SLC10A7: variants seen among roughly 807,000 people sequenced by gnomAD.
The protein encoded by SLC10A7 is solute carrier family 10 member 7, also known as sodium/bile acid cotransporter 7.
A neutral mutation model predicts 43.2 loss-of-function variants in SLC10A7; 29 were observed. That is an observed-to-expected ratio of 0.67 (90% CI 0.50 to 0.92). The LOEUF (loss-of-function observed/expected upper bound fraction) is 0.92. SLC10A7 is among the 40% of genes least tolerant of loss of function. The pLI is 0.00. For synonymous variants in SLC10A7, 152 were observed against 144.8 expected, an observed-to-expected ratio of 1.05 and a Z score of -0.35; for missense variants, 295 against 403.2, an observed-to-expected ratio of 0.73 and a Z score of 2.30.
At chr4:146,329,610 G>A (rs756138584) in intron 5 of SLC10A7, among the ~76,000 whole-genome samples, 32 of 152,152 alleles carry the variant, frequency 2.1e-4, no homozygotes, top group Non-Finnish European at 4.0e-4. Flanking sequence ...TCTTTGCATT[G>A]TTAAGTTATT....
chr4:146,446,302 C>G (rs1731068288), intron 4 of SLC10A7, among the ~76,000 whole-genome samples: 1 of 152,072 alleles, frequency 6.6e-6, no homozygotes, highest in Non-Finnish European at 1.5e-5. Context: ...ACTGGCTGGG[C>G]ATGGTGACTC....
chr4:146,272,482 CTG>C (rs2111058508), intron 10 of SLC10A7, among the ~76,000 whole-genome samples: 1 of 152,246 alleles, frequency 6.6e-6, no homozygotes, highest in East Asian at 1.9e-4. Flanking sequence ...CAAGGGGAAA[CTG>C]TTACCCTTGC....
chr4:146,283,696 A>G (rs1026573745), intron 9 of SLC10A7, among the ~76,000 whole-genome samples: 6 of 152,190 alleles, frequency 3.9e-5, no homozygotes, highest in African/African-American at 1.4e-4. Flanking sequence ...AGGGTATGAA[A>G]AAAGATTTAA....
intron 5 of SLC10A7, among the ~76,000 whole-genome samples, chr4:146,387,836 C>G (rs1579059241): frequency 6.6e-6 from 1 of 151,836 alleles, no homozygotes; most frequent in East Asian, 1.9e-4. Context: ...ATAATACATA[C>G]CAAAAAAATA....
intron 2 of SLC10A7, among the ~76,000 whole-genome samples, chr4:146,516,339 A>C (rs1233385343): frequency 6.6e-6 from 1 of 151,696 alleles, no homozygotes; most frequent in African/African-American, 2.4e-5. Context: ...TTCCAAGAGA[A>C]TCTCATGTTC....
At chr4:146,341,888 C>T (rs989369647) in intron 5 of SLC10A7, among the ~76,000 whole-genome samples, 5 of 151,600 alleles carry the variant, frequency 3.3e-5, no homozygotes, top group African/African-American at 4.8e-5. Flanking sequence ...TAACCCTTGT[C>T]GGCCTTAAAC....
intron 4 of SLC10A7, among the ~76,000 whole-genome samples, chr4:146,466,399 C>T (rs1292419086): frequency 6.6e-6 from 1 of 151,978 alleles, no homozygotes; most frequent in South Asian, 2.1e-4. Context: ...AGTGGCCCCA[C>T]TTGGCTCCCA....
intron 5 of SLC10A7, among the ~76,000 whole-genome samples, chr4:146,362,335 G>C (rs1337635791): frequency 6.6e-6 from 1 of 152,002 alleles, no homozygotes; most frequent in Non-Finnish European, 1.5e-5. Context: ...AAAAAGAAAG[G>C]ATGCTAAAAA....
intron 4 of SLC10A7, among the ~76,000 whole-genome samples, chr4:146,443,629 T>C (rs1032849668): frequency 6.6e-6 from 1 of 152,164 alleles, no homozygotes; most frequent in Non-Finnish European, 1.5e-5. Context: ...TATTTACATC[T>C]CCTGCATACC....
intron 4 of SLC10A7, among the ~76,000 whole-genome samples, chr4:146,450,736 A>C (rs2149910827): frequency 6.6e-6 from 1 of 152,308 alleles, no homozygotes; most frequent in East Asian, 1.9e-4. Context: ...TACACTACCT[A>C]CATGACTCAT....
chr4:146,371,812 T>C (rs138622422), intron 5 of SLC10A7, among the ~76,000 whole-genome samples: 36 of 152,304 alleles, frequency 2.4e-4, no homozygotes, highest in African/African-American at 8.4e-4. Flanking sequence ...ATTGCTACTA[T>C]TGTCAGAGCC....
intron 6 of SLC10A7, among the ~76,000 whole-genome samples, chr4:146,313,237 C>T (rs752828236): frequency 6.6e-6 from 1 of 152,180 alleles, no homozygotes; most frequent in African/African-American, 2.4e-5. Flanking sequence ...CTGGCTAGGA[C>T]AAGACTGCCC....
At chr4:146,325,335 A>G (rs1440517897) in intron 6 of SLC10A7, among the ~76,000 whole-genome samples, 1 of 152,186 alleles carries the variant, frequency 6.6e-6, no homozygotes, top group East Asian at 1.9e-4. Flanking sequence ...CTAATTTCTC[A>G]TATGCTTAGT....
chr4:146,457,739 T>C (rs1048448806), intron 4 of SLC10A7, among the ~76,000 whole-genome samples: 3 of 151,942 alleles, frequency 2.0e-5, no homozygotes, highest in South Asian at 4.1e-4. Context: ...AAAACTTAGA[T>C]GAAATGAACA....
chr4:146,516,111 T>C (rs1187323315), intron 2 of SLC10A7, among the ~76,000 whole-genome samples: 1 of 152,122 alleles, frequency 6.6e-6, no homozygotes, highest in Non-Finnish European at 1.5e-5. Flanking sequence ...AGAATCTTAA[T>C]TTTTAAAGCC....
intron 5 of SLC10A7, among the ~76,000 whole-genome samples, chr4:146,341,512 G>A (rs1454145712): frequency 1.3e-5 from 2 of 151,668 alleles, no homozygotes; most frequent in Non-Finnish European, 3.0e-5. Flanking sequence ...GCACACATAT[G>A]TTTATACATA....
chr4:146,332,296 T>C (rs1009036664), intron 5 of SLC10A7, among the ~76,000 whole-genome samples: 4 of 152,186 alleles, frequency 2.6e-5, no homozygotes, highest in Non-Finnish European at 4.4e-5. Flanking sequence ...GCCACTGACA[T>C]TGTCCAGTTA....
chr4:146,442,739 C>T lies in SLC10A7; in HGVS notation c.435+44G>A, dbSNP rs75683702. 1,079 of 1,593,998 alleles carry T rather than the reference C, an allele frequency of 6.8e-4. 5 individuals carry two copies. In the African/African-American group the frequency reaches 0.013, roughly 20 times the overall value. ...ACTAAATCTTTCATATACACAATAT[C>T]ACAGCAAAAGTTGTAATAGACAAGT... On this transcript the variant is annotated intron_variant, in intron 5 of 11. Transcript: ENST00000335472.
intron 6 of SLC10A7, among the ~76,000 whole-genome samples, chr4:146,323,385 T>C (rs567021226): frequency 5.9e-5 from 9 of 152,312 alleles, no homozygotes; most frequent in South Asian, 4.1e-4. Flanking sequence ...CTTTAATCCA[T>C]CTTGAATTAA....
Sources: allele counts gnomAD v4.1 joint callset (sites outside exome capture counted in the v4.1 genomes callset), GRCh38; gene constraint gnomAD v4.1.1; transcripts MANE v1.5; gene names NCBI Gene and HGNC (gene_info 2026-07-23, HGNC 2026-07-21).